PPP2R2B: variants seen among roughly 807,000 people sequenced by gnomAD.
PPP2R2B encodes serine/threonine-protein phosphatase 2A 55 kDa regulatory subunit B beta isoform.
A neutral mutation model predicts 46.0 loss-of-function variants in PPP2R2B; 5 were observed. The observed-to-expected ratio is 0.11, with a 90% CI of 0.06 to 0.23. The LOEUF is 0.23. PPP2R2B is among the 10% of genes least tolerant of loss of function. The probability of loss-of-function intolerance (pLI) is 1.00; values close to 1 mark genes in which losing one functional copy is unlikely to be tolerated. For synonymous variants in PPP2R2B, 215 were observed against 206.7 expected, an observed-to-expected ratio of 1.04 and a Z score of -0.34; for missense variants, 367 against 575.0, an observed-to-expected ratio of 0.64 and a Z score of 3.70.
At chr5:146,722,867 A>G (rs1006598259) in intron 2 of PPP2R2B, among the ~76,000 whole-genome samples, 13 of 152,202 alleles carry the variant, frequency 8.5e-5, no homozygotes, top group Admixed American at 6.5e-4. Flanking sequence ...TCTTTTGATT[A>G]AAAAACTTAC....
At chr5:146,808,763 A>G (rs1030050223) in intron 2 of PPP2R2B, among the ~76,000 whole-genome samples, 1 of 152,226 alleles carries the variant, frequency 6.6e-6, no homozygotes, top group Non-Finnish European at 1.5e-5. Context: ...TTGACTTGCC[A>G]AGGTATCTGC....
chr5:146,916,633 T>C (rs1763395412), intron 1 of PPP2R2B, among the ~76,000 whole-genome samples: 1 of 152,178 alleles, frequency 6.6e-6, no homozygotes, highest in South Asian at 2.1e-4. Flanking sequence ...CCCTCATCCA[T>C]CTGAGTGAGT....
At chr5:146,843,775 T>C (rs1043667540) in intron 2 of PPP2R2B, among the ~76,000 whole-genome samples, 11 of 152,144 alleles carry the variant, frequency 7.2e-5, no homozygotes, top group Non-Finnish European at 1.6e-4. Context: ...ACAAAGGACA[T>C]GAACTCATCA....
chr5:147,073,334 C>T (rs1269049819), intron 2 of PPP2R2B, among the ~76,000 whole-genome samples: 9 of 152,210 alleles, frequency 5.9e-5, no homozygotes, highest in East Asian at 3.9e-4. Flanking sequence ...TTCTCACCAA[C>T]TCACCTGCAG....
chr5:146,968,042 C>T (rs949258398), intron 1 of PPP2R2B, among the ~76,000 whole-genome samples: 11 of 152,142 alleles, frequency 7.2e-5, no homozygotes, highest in African/African-American at 2.2e-4. Flanking sequence ...TTGCCAATTA[C>T]GTGTTAATTG....
chr5:146,745,819 A>C (rs1402578067), intron 2 of PPP2R2B, among the ~76,000 whole-genome samples: 1 of 152,098 alleles, frequency 6.6e-6, no homozygotes, highest in Non-Finnish European at 1.5e-5. Flanking sequence ...TCAGCCAGGC[A>C]TGGTGGTGCA....
chr5:146,904,892 A>G (rs1315164373), intron 1 of PPP2R2B, among the ~76,000 whole-genome samples: 1 of 152,240 alleles, frequency 6.6e-6, no homozygotes, highest in East Asian at 1.9e-4. Flanking sequence ...GGGAGAAAAC[A>G]TATACAAAAC....
chr5:146,618,092 G>C (rs553305036), intron 7 of PPP2R2B, among the ~76,000 whole-genome samples: 9 of 152,246 alleles, frequency 5.9e-5, no homozygotes, highest in African/African-American at 1.9e-4. Flanking sequence ...ACCACGTTAT[G>C]TTACATGACA....
At chr5:147,079,638 A>T (rs1374050475) in intron 2 of PPP2R2B, among the ~76,000 whole-genome samples, 2 of 151,894 alleles carry the variant, frequency 1.3e-5, no homozygotes, top group East Asian at 3.9e-4. Context: ...AACCTAAAAA[A>T]GTTGATCTCA....
chr5:146,752,845 C>T (rs1753636130), intron 2 of PPP2R2B, among the ~76,000 whole-genome samples: 1 of 152,202 alleles, frequency 6.6e-6, no homozygotes, highest in Non-Finnish European at 1.5e-5. Context: ...CACCAACAGA[C>T]TTTCACTGTG....
chr5:146,628,801 C>A (rs1005119902), intron 7 of PPP2R2B, among the ~76,000 whole-genome samples: 2 of 152,196 alleles, frequency 1.3e-5, no homozygotes, highest in Non-Finnish European at 2.9e-5. Context: ...CTTCCATAAG[C>A]CCACATCCCA....
chr5:146,604,611 TAGTAAC>T (rs1465955618), intron 7 of PPP2R2B, among the ~76,000 whole-genome samples: 1 of 152,182 alleles, frequency 6.6e-6, no homozygotes, highest in Non-Finnish European at 1.5e-5. Flanking sequence ...GAGACCCCAA[TAGTAAC>T]AGTAACAACA....
chr5:147,008,468 G>A (rs372629698), intron 1 of PPP2R2B, among the ~76,000 whole-genome samples: 1 of 152,034 alleles, frequency 6.6e-6, no homozygotes, highest in South Asian at 2.1e-4. Flanking sequence ...CTTTCCTCAT[G>A]CCTGCTACTG....
chr5:147,048,032 G>C (rs533929283), intron 1 of PPP2R2B, among the ~76,000 whole-genome samples: 151 of 152,258 alleles, frequency 9.9e-4, no homozygotes, highest in African/African-American at 3.6e-3. Flanking sequence ...CTGGGGCCCA[G>C]TTCCAGGGGA....
At chr5:146,845,716 G>GA (rs1405048430) in intron 2 of PPP2R2B, among the ~76,000 whole-genome samples, 8 of 152,182 alleles carry the variant, frequency 5.3e-5, no homozygotes, top group African/African-American at 1.9e-4. Context: ...GTGAGTGCGT[G>GA]AAAAATATAC....
At chr5:146,661,964 G>A (rs967959986) in intron 5 of PPP2R2B, among the ~76,000 whole-genome samples, 11 of 152,186 alleles carry the variant, frequency 7.2e-5, no homozygotes, top group African/African-American at 2.4e-4. Context: ...GGGATTGGGA[G>A]AGGCGGTGGT....
At chr5:146,730,267 C>T (rs1259977267) in intron 2 of PPP2R2B, among the ~76,000 whole-genome samples, 1 of 152,154 alleles carries the variant, frequency 6.6e-6, no homozygotes, top group Non-Finnish European at 1.5e-5. Flanking sequence ...CTGGATTTAT[C>T]CAATACCTGT....
At chr5:147,078,430 A>G (rs543613505) in intron 2 of PPP2R2B, among the ~76,000 whole-genome samples, 2 of 152,280 alleles carry the variant, frequency 1.3e-5, no homozygotes, top group East Asian at 3.9e-4. Context: ...GGAACAAGTC[A>G]TCTAGACTTG....
chr5:146,874,330 T>G (rs319217), intron 2 of PPP2R2B, among the ~76,000 whole-genome samples: 1 of 152,062 alleles, frequency 6.6e-6, no homozygotes, highest in South Asian at 2.1e-4. Context: ...AATCAATAAT[T>G]GAAAGGAGCT....
Sources: gnomAD v4.1 joint callset for allele counts (sites outside exome capture counted in the v4.1 genomes callset) on GRCh38, gnomAD v4.1.1 for gene constraint, MANE v1.5 for transcripts, NCBI Gene and HGNC (gene_info 2026-07-23, HGNC 2026-07-21) for gene names.